The following UBASH3A variants were observed in gnomAD, a reference collection of about 807,000 sequenced individuals.
The protein encoded by UBASH3A is ubiquitin associated and SH3 domain containing A.
UBASH3A carries 63 observed loss-of-function variants against 73.5 expected under a neutral mutation model. The observed-to-expected ratio is 0.86, with a 90% CI of 0.70 to 1.06. UBASH3A has a LOEUF of 1.06. UBASH3A is among the 50% of genes least tolerant of loss of function. The pLI is 0.00. For synonymous variants in UBASH3A, 363 were observed against 351.1 expected (o/e 1.03, Z -0.38); for missense variants, 860 against 859.0 (o/e 1.00, Z -0.02).
At position 42,442,581 on chromosome 21, in the gene UBASH3A, T is replaced by C. The variant is rs996145964; in HGVS notation, c.1616T>C (p.Ile539Thr). Residue 539 changes from isoleucine (I) to threonine (T), a missense_variant, in exon 12 of 15, where the codon ATT becomes ACT. Ile to Thr is a moderately conservative substitution (Grantham distance 89). Transcript: ENST00000319294. Reference protein sequence around the residue: ...LEELKEANFNIDTDYRPAFPL... With the variant: ...LEELKEANFNTDTDYRPAFPL... ...GAGCTGAAAGAGGCAAATTTCAACA[T>C]TGACACTGATTACAGGTATGCTGTT... 8 of 1,613,612 alleles carry C rather than the reference T, an allele frequency of 5.0e-6. No homozygotes were observed. The highest frequency in any genetic ancestry group is 1.3e-5 in the African/African-American group (1 of 74,894).
rs1428165970 is a variant in UBASH3A at position 42,439,752 on chromosome 21, A to G, written c.1486+2172A>G. 2.8e-5 allele frequency among the ~76,000 whole-genome samples: 4 copies of G among 141,910 alleles called. No homozygotes were observed. The East Asian group carries it at 8.5e-4, about 30-fold the overall frequency. 93.1% of individuals were successfully genotyped at this position (141,910 alleles called of 152,430 possible). A position where few individuals can be genotyped will look rare whatever the true frequency, so the allele number is the denominator to read the frequency against. ...CACCACACACACCCACACACACCAC[A>G]CACACCCACACACACTACACATACA... is the stretch of plus-strand genomic sequence containing the variant. On this transcript the variant is annotated intron_variant, in intron 11 of 14. Transcript: ENST00000319294.
intron 12 of UBASH3A, among the ~76,000 whole-genome samples, chr21:42,442,874 G>A (rs2053771640): frequency 6.6e-6 from 1 of 152,138 alleles, no homozygotes; most frequent in South Asian, 2.1e-4. Flanking sequence ...GCTGAAGGCA[G>A]GCCAAGGTGA....
rs115641947 is a variant in UBASH3A, at chr21:42,430,796, C to A, written c.1171-1307C>A. Among the ~76,000 whole-genome samples, 426 of 152,328 alleles carry A rather than the reference C, an allele frequency of 2.8e-3. 3 individuals carry two copies. Among genetic ancestry groups the A allele is most frequent in the African/African-American group, 8.9e-3 (369 of 41,574 alleles). On this transcript the variant is annotated intron_variant, in intron 8 of 14. Transcript: ENST00000319294. ...TGGACCAGCATGTGACATGCTCCCC[C>A]CTGCGGTGCCATGTCACAGGGAGGT...
chr21:42,439,308 G>A (rs1327972387), intron 11 of UBASH3A, among the ~76,000 whole-genome samples: 1 of 152,132 alleles, frequency 6.6e-6, no homozygotes, highest in African/African-American at 2.4e-5. Flanking sequence ...GCCCACCTCA[G>A]TCTTGCAGCT....
chr21:42,432,936 G>A (rs2053561046), intron 9 of UBASH3A, among the ~76,000 whole-genome samples: 1 of 152,206 alleles, frequency 6.6e-6, no homozygotes, highest in Admixed American at 6.5e-5. Context: ...ACAATAGGTG[G>A]CTATCAGGAT....
At chr21:42,425,176 G>A (rs2053412569) in intron 7 of UBASH3A, among the ~76,000 whole-genome samples, 1 of 152,244 alleles carries the variant, frequency 6.6e-6, no homozygotes, top group Non-Finnish European at 1.5e-5. Context: ...GTTTCATGGT[G>A]TAAGTTACTG....
intron 1 of UBASH3A, among the ~76,000 whole-genome samples, chr21:42,405,648 T>G (rs2052953687): frequency 6.6e-6 from 1 of 152,222 alleles, no homozygotes; most frequent in Non-Finnish European, 1.5e-5. Context: ...CCAGTCTGCA[T>G]TCCTGATAAA....
intron 10 of UBASH3A, 30 bp from the exon 11 acceptor site, chr21:42,437,458 G>T (rs758444288): frequency 6.3e-7 from 1 of 1,591,302 alleles, no homozygotes; most frequent in Admixed American, 1.7e-5. Flanking sequence ...TTATGAAGGG[G>T]CATTTTCTGC....
At chr21:42,430,414 A>G (rs1765609553) in intron 8 of UBASH3A, among the ~76,000 whole-genome samples, 1 of 152,202 alleles carries the variant, frequency 6.6e-6, no homozygotes. Flanking sequence ...GTTTATGCAG[A>G]CAAGGCTTAC....
chr21:42,416,311 G>T, intron 5 of UBASH3A, 131 bp from the exon 6 acceptor site: 1 of 902,114 alleles, frequency 1.1e-6, no homozygotes, highest in Non-Finnish European at 1.6e-6. Context: ...TTTATGATGT[G>T]AGTTCTGAGC....
chr21:42,404,818 G>C (rs534852724), intron 1 of UBASH3A, among the ~76,000 whole-genome samples: 1 of 152,264 alleles, frequency 6.6e-6, no homozygotes, highest in East Asian at 1.9e-4. Flanking sequence ...GTGTGAGCGC[G>C]ACCCTGCTTA....
At chr21:42,409,065 C>T (rs2053038748) in intron 2 of UBASH3A, among the ~76,000 whole-genome samples, 1 of 151,858 alleles carries the variant, frequency 6.6e-6, no homozygotes, top group South Asian at 2.1e-4. Flanking sequence ...GAGGTTTTTC[C>T]ACAAAATTTT....
intron 11 of UBASH3A, 146 bp from the exon 12 acceptor site, chr21:42,442,306 C>A: frequency 3.5e-6 from 3 of 853,246 alleles, no homozygotes; most frequent in East Asian, 2.5e-5. Context: ...AATCACAGAA[C>A]GGTATTTGCC....
intron 2 of UBASH3A, among the ~76,000 whole-genome samples, chr21:42,407,520 A>G (rs548290298): frequency 1.3e-4 from 20 of 152,330 alleles, no homozygotes; most frequent in Middle Eastern, 6.8e-3. Context: ...CCCCACCAAA[A>G]AATAGGGAGG....
At chr21:42,443,080 A>T in intron 12 of UBASH3A, 1 of 1,303,882 alleles carries the variant, frequency 7.7e-7, no homozygotes, top group Non-Finnish European at 9.8e-7. Flanking sequence ...CCCATGTCTG[A>T]CTCTGCCATC....
intron 12 of UBASH3A, 48 bp downstream of exon 12, chr21:42,442,644 T>C: frequency 6.4e-7 from 1 of 1,565,298 alleles, no homozygotes; most frequent in Non-Finnish European, 8.6e-7. Flanking sequence ...CCAGTTATTG[T>C]TAAAGAAAAA....
Position 42,416,481 on chromosome 21 carries a change from C to A in UBASH3A, c.707C>A (p.Thr236Asn). Residue 236 changes from threonine (T) to asparagine (N), a missense_variant, in exon 6 of 15, where the codon ACC (threonine) becomes AAC (asparagine). Transcript: ENST00000319294. ...VKPCTKQLHL[T>N]LAHKFYPHHQ... ...CCTTGCACCAAACAGCTGCATCTGA[C>A]CTTGGCCCACAAGTTCTACCCCCAC... 6.2e-7 allele frequency: 1 copy of A among 1,602,354 alleles called. No homozygotes were observed. The highest frequency in any genetic ancestry group is 8.5e-7 in the Non-Finnish European group (1 of 1,174,814).
chr21:42,418,634 C>G, intron 7 of UBASH3A, 25 bp downstream of exon 7: 2 of 1,598,546 alleles, frequency 1.3e-6, no homozygotes, highest in Non-Finnish European at 1.7e-6. Flanking sequence ...TGGCTGCAGC[C>G]CCGTCATCTC....
chr21:42,444,394 C>A, intron 13 of UBASH3A, 140 bp from the exon 14 acceptor site: 1 of 699,080 alleles, frequency 1.4e-6, no homozygotes. Context: ...TTACCAGCCA[C>A]ACTACTTCTA....
Sources: gnomAD v4.1 joint callset for allele counts (sites outside exome capture counted in the v4.1 genomes callset) on GRCh38, gnomAD v4.1.1 for gene constraint, MANE v1.5 for transcripts, NCBI Gene and HGNC (gene_info 2026-07-23, HGNC 2026-07-21) for gene names.